PSG5: variants seen among roughly 807,000 people sequenced by gnomAD.
The protein encoded by PSG5 is pregnancy specific beta-1-glycoprotein 5, also known as pregnancy-specific beta-1-glycoprotein 5.
Under a neutral mutation model 37.7 loss-of-function variants are expected in PSG5, and 53 were observed. That is an observed-to-expected ratio of 1.41 (90% CI 1.13 to 1.77). The LOEUF is 1.77. Ranked by LOEUF, PSG5 falls within the 40% of genes most tolerant of loss-of-function variation. PSG5 has a pLI of 0.00. For synonymous variants in PSG5, 221 were observed against 155.4 expected (o/e 1.42, Z -3.14); for missense variants, 547 against 405.2 (o/e 1.35, Z -3.00).
intron 2 of PSG5, chr19:43,178,755 C>G (rs1365771951): frequency 1.9e-6 from 3 of 1,599,926 alleles, no homozygotes; most frequent in Non-Finnish European, 1.7e-6. Context: ...AAAGTCATGG[C>G]CAGCTTTGAT....
rs201481900 is a variant in PSG5, at chr19:43,172,687, A to G, written c.964+2528T>C. ...ATAAGTTTAACCAAAGAGGTGAAAT[A>G]ATTATACCTGAAATCTACAAAATAT... On this transcript the variant is annotated intron_variant, in intron 4 of 5. Coordinates refer to ENST00000342951, the MANE Select transcript of PSG5 (RefSeq NM_002781.4). Among the ~76,000 whole-genome samples the G allele has an allele frequency of 1.1e-4, 16 of 151,748 alleles. 1 individual carries two copies. In the South Asian group the frequency reaches 2.1e-3, roughly 20 times the overall value.
Position 43,185,078 on chromosome 19 carries a change from A to C in PSG5, c.134T>G (p.Val45Gly). ...QVTIEALPPK[V>G]SEGKDVLLLV... ...TAGAAGAACATCCTTCCCCTCGGAA[A>C]CTTTGGGTGGCAGGGCTTCAATCGT... Residue 45 changes from valine to glycine, a missense_variant, in exon 2 of 6, where the codon GTT (valine) becomes GGT (glycine). Coordinates refer to ENST00000342951, the MANE Select transcript of PSG5 (RefSeq NM_002781.4). The C allele has an allele frequency of 6.2e-7, 1 of 1,612,296 alleles. No individual in the cohort carries two copies. The highest frequency in any genetic ancestry group is 1.1e-5 in the South Asian group (1 of 91,006).
At chr19:43,182,017 G>A (rs1158051437) in intron 2 of PSG5, among the ~76,000 whole-genome samples, 2 of 151,852 alleles carry the variant, frequency 1.3e-5, no homozygotes, top group African/African-American at 4.8e-5. Context: ...CATTACAACA[G>A]TGACAGCAAA....
Position 43,175,308 on chromosome 19 carries a change from T to A in PSG5, c.871A>T (p.Ile291Phe). Reference protein sequence around the residue: ...QSGQKLSIPQITTKHRGLYTC... With the variant: ...QSGQKLSIPQFTTKHRGLYTC... ...TAGAGCCCTCTATGCTTTGTAGTAA[T>A]TTGGGGGATAGAGAGCTTTTGTCCT... is the stretch of plus-strand genomic sequence containing the variant. Residue 291 changes from isoleucine to phenylalanine, a missense_variant, in exon 4 of 6, where the codon ATT becomes TTT. Ile to Phe is a conservative substitution (Grantham distance 21). Coordinates refer to ENST00000342951, the MANE Select transcript of PSG5 (RefSeq NM_002781.4). 3 of 1,612,756 alleles carry A rather than the reference T, an allele frequency of 1.9e-6. No individual in the cohort carries two copies. Among genetic ancestry groups the A allele is most frequent in the Non-Finnish European group, 2.5e-6 (3 of 1,179,220 alleles).
intron 5 of PSG5, among the ~76,000 whole-genome samples, chr19:43,169,223 G>A (rs920069953): frequency 2.0e-5 from 3 of 151,544 alleles, no homozygotes; most frequent in African/African-American, 7.3e-5. Context: ...GTCTCCTGGG[G>A]TAGGGACCTT....
At chr19:43,170,739 T>C (rs1968888685) in intron 4 of PSG5, 1 of 169,448 alleles carries the variant, frequency 5.9e-6, no homozygotes, top group Non-Finnish European at 1.3e-5. Context: ...TCTTTCTCTT[T>C]CTTTTTCACA....
chr19:43,176,082 G>A lies in PSG5; in HGVS notation c.497C>T (p.Ala166Val), dbSNP rs750568463. ...CTCACTCTTAGGTTCACAGGTGAAG[G>A]CTAAGACATCCTTATTCTCCCTGGG... ...SKPRENKDVL[A>V]FTCEPKSENY... is the part of the protein sequence containing the mutation. Residue 166 changes from alanine to valine, a missense_variant, in exon 3 of 6, where the codon GCC (alanine) becomes GTC (valine). Transcript: ENST00000342951. 14 of 1,610,946 alleles carry A rather than the reference G, an allele frequency of 8.7e-6. No individual in the cohort carries two copies. In the South Asian group the frequency reaches 1.2e-4, roughly 14 times the overall value.
rs142598672 is a variant in PSG5 at position 43,171,095 on chromosome 19, C to G, written c.965-957G>C. 4.0e-5 allele frequency: 6 copies of G among 151,494 alleles called. 1 individual carries two copies. Among genetic ancestry groups the G allele is most frequent in the Non-Finnish European group, 8.8e-5 (6 of 67,904 alleles). The allele number at this position is 151,494 out of a possible 1,614,324, so 9.4% of individuals were successfully genotyped here. On this transcript the variant is annotated intron_variant, in intron 4 of 5. Coordinates refer to ENST00000342951, the MANE Select transcript of PSG5 (RefSeq NM_002781.4). ...CATTTAATCCACACAATAACCCTGTCAGGTAGAAATTATTTCCACTTTGCT... is the reference window on the plus strand; with the variant it reads ...CATTTAATCCACACAATAACCCTGTGAGGTAGAAATTATTTCCACTTTGCT...
chr19:43,182,821 G>A (rs62115027), intron 2 of PSG5, among the ~76,000 whole-genome samples: 6,733 of 145,608 alleles, frequency 0.046, 317 homozygotes, highest in Non-Finnish European at 0.063. Flanking sequence ...GCCTCACAAA[G>A]GGAAAGAGCC....
chr19:43,177,360 T>C (rs1191769501), intron 2 of PSG5, among the ~76,000 whole-genome samples: 5 of 151,532 alleles, frequency 3.3e-5, no homozygotes, highest in African/African-American at 1.2e-4. Flanking sequence ...CTGACATTTT[T>C]TGATTCTGAA....
At chr19:43,177,538 CATGGTG>C (rs1161339709) in intron 2 of PSG5, among the ~76,000 whole-genome samples, 4 of 150,654 alleles carry the variant, frequency 2.7e-5, no homozygotes, top group Non-Finnish European at 5.9e-5. Flanking sequence ...ACGTTTCTAC[CATGGTG>C]ATTAGTTTTT....
intron 2 of PSG5, among the ~76,000 whole-genome samples, chr19:43,181,329 T>C (rs1599753373): frequency 1.3e-5 from 2 of 151,886 alleles, no homozygotes; most frequent in Non-Finnish European, 1.5e-5. Context: ...TCCACTTTTT[T>C]TCCCCCACTC....
chr19:43,183,022 G>A (rs1969163285), intron 2 of PSG5, among the ~76,000 whole-genome samples: 1 of 151,018 alleles, frequency 6.6e-6, no homozygotes, highest in African/African-American at 2.4e-5. Context: ...GTCTGGGGAA[G>A]GCCTAGGGGT....
At chr19:43,175,662 C>A in intron 3 of PSG5, 193 bp from the exon 4 acceptor site, 1 of 1,385,424 alleles carries the variant, frequency 7.2e-7, no homozygotes, top group East Asian at 2.3e-5. Context: ...GACACAAAGT[C>A]TCCCATGACA....
chr19:43,185,543 T>G (rs1966917932), intron 1 of PSG5, among the ~76,000 whole-genome samples: 1 of 150,614 alleles, frequency 6.6e-6, no homozygotes, highest in Non-Finnish European at 1.5e-5. Flanking sequence ...CTTTCCCTGC[T>G]CTGCTCCCTC....
At position 43,167,918 on chromosome 19, in the gene PSG5, A is replaced by C. The variant is rs370917876; in HGVS notation, c.*326T>G. On this transcript the variant is annotated 3_prime_UTR_variant, in exon 6 of 6. Transcript: ENST00000342951. ...CATAAATCTGGAGAATAAAACATTC[A>C]AAGAATCAGCACATTTTCAAATAGA... 27 of 381,854 alleles carry C rather than the reference A, an allele frequency of 7.1e-5. No individual in the cohort carries two copies. Among genetic ancestry groups the C allele is most frequent in the East Asian group, 2.7e-4 (7 of 26,070 alleles). The allele number at this position is 381,854 out of a possible 1,614,324, so 23.7% of individuals were successfully genotyped here.
rs759307315 is a variant in PSG5 at position 43,186,401 on chromosome 19, C to T, written c.5G>A (p.Gly2Glu). 3.7e-6 allele frequency: 6 copies of T among 1,612,086 alleles called. No homozygotes were observed. The highest frequency in any genetic ancestry group is 5.1e-6 in the Non-Finnish European group (6 of 1,178,944). Residue 2 changes from glycine (G) to glutamate (E), a missense_variant, in exon 1 of 6, where the codon GGG (glycine) becomes GAG (glutamate). Physicochemically the swap from Gly to Glu is moderately conservative, Grantham distance 98. Coordinates refer to ENST00000342951, the MANE Select transcript of PSG5 (RefSeq NM_002781.4). Reference protein sequence around the residue: MGPLSAPPCTQH... With the variant: MEPLSAPPCTQH... ...TGTGCAGGGAGGGGCTGAGAGGGGC[C>T]CCATGGTCTCTGCGCCTGCGTGTTC...
chr19:43,184,583 G>C (rs1348463693), intron 2 of PSG5, among the ~76,000 whole-genome samples, 199 bp downstream of exon 2: 1 of 151,508 alleles, frequency 6.6e-6, no homozygotes, highest in Non-Finnish European at 1.5e-5. Context: ...AGTGTCTGCA[G>C]GGTCTGGATG....
Position 43,186,372 on chromosome 19 carries a change from G to T in PSG5, c.34C>A (p.His12Asn), listed in dbSNP as rs1966942665. Reference protein sequence around the residue: ...GPLSAPPCTQHITWKGLLLTA... With the variant: ...GPLSAPPCTQNITWKGLLLTA... ...AGCAGGAGCCCCTTCCAGGTGATGT[G>T]CTGTGTGCAGGGAGGGGCTGAGAGG... is the stretch of plus-strand genomic sequence containing the variant. The change falls in exon 1 of 6, where the codon CAC becomes AAC. Residue 12 changes from histidine (H) to asparagine (N), a missense_variant. Coordinates refer to ENST00000342951, the MANE Select transcript of PSG5 (RefSeq NM_002781.4). The T allele has an allele frequency of 6.2e-7, 1 of 1,612,372 alleles. No individual in the cohort carries two copies. Among genetic ancestry groups the T allele is most frequent in the African/African-American group, 1.3e-5 (1 of 74,658 alleles).
Sources: gnomAD v4.1 joint callset for allele counts (sites outside exome capture counted in the v4.1 genomes callset) on GRCh38, gnomAD v4.1.1 for gene constraint, MANE v1.5 for transcripts, NCBI Gene and HGNC (gene_info 2026-07-23, HGNC 2026-07-21) for gene names.